UBN2: variants seen among roughly 807,000 people sequenced by gnomAD.
UBN2 encodes the protein ubinuclein 2, also known as ubinuclein-2.
A neutral mutation model predicts 120.2 loss-of-function variants in UBN2; 35 were observed. That is an observed-to-expected ratio of 0.29 (90% confidence interval 0.22 to 0.39). The LOEUF (loss-of-function observed/expected upper bound fraction) is 0.39. Ranked by LOEUF, UBN2 falls within the 10% of genes least tolerant of loss-of-function variation. The pLI is 1.00. For synonymous variants in UBN2, 661 were observed against 648.7 expected (o/e 1.02, Z -0.29); for missense variants, 1,693 against 1,663.2 (o/e 1.02, Z -0.31).
chr7:139,245,328 A>G (rs969087302), intron 2 of UBN2, among the ~76,000 whole-genome samples: 50 of 152,110 alleles, frequency 3.3e-4, no homozygotes, highest in African/African-American at 1.1e-3. Context: ...ATGCTTTGTG[A>G]AGACCTTATA....
rs1289729433 is a variant in UBN2 at position 139,258,574 on chromosome 7, A to G, written c.750A>G (p.Ser250=). The G allele has an allele frequency of 6.2e-7, 1 of 1,607,760 alleles. No individual in the cohort carries two copies. Among genetic ancestry groups the G allele is most frequent in the South Asian group, 1.1e-5 (1 of 90,162 alleles). ...NTGTLQFRQA[S]DTEEDDITDN... is the part of the protein sequence containing the mutation. ...GCACTCTACAGTTTCGCCAAGCTTC[A>G]GATACTGAAGAAGATGATATTACAG... The change falls in exon 4 of 18, where the codon TCA becomes TCG. Residue 250 remains serine (S), a synonymous_variant. Coordinates refer to ENST00000473989, the MANE Select transcript of UBN2 (RefSeq NM_173569.4).
intron 15 of UBN2, among the ~76,000 whole-genome samples, chr7:139,289,195 A>G (rs1797873520): frequency 6.6e-6 from 1 of 152,078 alleles, no homozygotes; most frequent in Non-Finnish European, 1.5e-5. Flanking sequence ...GGAGTACCCC[A>G]CTGCTGAAAG....
chr7:139,252,082 C>T, intron 3 of UBN2, 25 bp downstream of exon 3: 2 of 1,581,918 alleles, frequency 1.3e-6, no homozygotes, highest in Non-Finnish European at 1.7e-6. Flanking sequence ...TTTAATATAG[C>T]AGCAAATTCA....
intron 2 of UBN2, among the ~76,000 whole-genome samples, chr7:139,250,319 G>A (rs559489172): frequency 4.0e-5 from 6 of 151,834 alleles, no homozygotes; most frequent in Admixed American, 6.6e-5. Context: ...TGCAACGTCC[G>A]CCTCCCCAGT....
At chr7:139,270,083 ATATCT>A (rs1159252552) in intron 8 of UBN2, among the ~76,000 whole-genome samples, 1 of 152,138 alleles carries the variant, frequency 6.6e-6, no homozygotes, top group African/African-American at 2.4e-5. Flanking sequence ...TGGAAGAAAG[ATATCT>A]TATCCTTACT....
chr7:139,259,591 T>G (rs1450360391), intron 5 of UBN2, among the ~76,000 whole-genome samples: 1 of 152,232 alleles, frequency 6.6e-6, no homozygotes, highest in Non-Finnish European at 1.5e-5. Flanking sequence ...AAATGCTCAT[T>G]ACTACTTTTA....
Position 139,300,747 on chromosome 7 carries a change from A to C in UBN2, c.*2911A>C, listed in dbSNP as rs1798236333. 6.6e-6 allele frequency: 1 copy of C among 152,218 alleles called. No homozygotes were observed. The highest frequency in any genetic ancestry group is 1.5e-5 in the Non-Finnish European group (1 of 68,028). The allele number at this position is 152,218 out of a possible 1,614,324, so 9.4% of individuals were successfully genotyped here. ...TATATTTTAAATTGCCTTCACTGAT[A>C]TATAAGCTGTTACTGTACATACAAG... On this transcript the variant is annotated 3_prime_UTR_variant, in exon 18 of 18. Transcript: ENST00000473989.
chr7:139,254,698 A>G (rs78856640), intron 3 of UBN2, among the ~76,000 whole-genome samples: 182 of 152,364 alleles, frequency 1.2e-3, no homozygotes, highest in African/African-American at 4.2e-3. Flanking sequence ...TTTGAATTCT[A>G]AATAACCCAA....
At chr7:139,271,552 C>T (rs1797274460) in intron 8 of UBN2, among the ~76,000 whole-genome samples, 1 of 150,754 alleles carries the variant, frequency 6.6e-6, no homozygotes, top group Non-Finnish European at 1.5e-5. Flanking sequence ...TGCCACTGCA[C>T]TCCAGCCTGT....
chr7:139,233,285 C>T (rs1218106003), intron 1 of UBN2, among the ~76,000 whole-genome samples: 4 of 152,076 alleles, frequency 2.6e-5, no homozygotes, highest in Non-Finnish European at 4.4e-5. Flanking sequence ...ACTTGAATGC[C>T]CCTTCTTTAT....
At chr7:139,313,517 T>C in the UBN2 span, among the ~76,000 whole-genome samples, 2 of 152,226 alleles carry the variant, frequency 1.3e-5, no homozygotes, top group Non-Finnish European at 2.9e-5. Flanking sequence ...GAAGTGATCA[T>C]ATAATGTACA....
At chr7:139,311,379 A>G (rs1259271678), downstream of UBN2, among the ~76,000 whole-genome samples, 1 of 151,956 alleles carries the variant, frequency 6.6e-6, no homozygotes, top group Non-Finnish European at 1.5e-5. Flanking sequence ...TCCCTTCTTC[A>G]TTTCCCCATC....
Position 139,283,982 on chromosome 7 carries a change from G to T in UBN2, c.3077G>T (p.Gly1026Val), listed in dbSNP as rs1327244198. 2 of 1,613,912 alleles carry T rather than the reference G, an allele frequency of 1.2e-6. No homozygotes were observed. Among genetic ancestry groups the T allele is most frequent in the African/African-American group, 1.3e-5 (1 of 74,924 alleles). The change falls in exon 15 of 18, where the codon GGT becomes GTT. Residue 1026 changes from glycine (G) to valine (V), a missense_variant. This residue lies in a region of UBN2 where 837 missense variants were observed against 817.6 expected (regional missense o/e 1.02). Transcript: ENST00000473989. The stretch of plus-strand genomic sequence containing the variant: ...ATGGTGTCACAGATCTCCACGCAGG[G>T]TTTCAAATCTCCCTTCTCGATGGCT... ...KAMVSQISTQGFKSPFSMAAS... is the reference protein window; with the variant it reads ...KAMVSQISTQVFKSPFSMAAS...
intron 1 of UBN2, among the ~76,000 whole-genome samples, chr7:139,234,676 A>G (rs1343806537): frequency 6.6e-6 from 1 of 152,220 alleles, no homozygotes. Context: ...TGATTGATAC[A>G]CAAGAAAAGG....
At chr7:139,294,106 A>G in intron 17 of UBN2, 125 bp downstream of exon 17, 2 of 859,956 alleles carry the variant, frequency 2.3e-6, no homozygotes, top group Non-Finnish European at 3.7e-6. Flanking sequence ...CATAGACTGA[A>G]TCCTCATTCC....
At chr7:139,311,824 G>A (rs1798452665), downstream of UBN2, among the ~76,000 whole-genome samples, 1 of 152,210 alleles carries the variant, frequency 6.6e-6, no homozygotes, top group South Asian at 2.1e-4. Context: ...GGCTGAAAAA[G>A]TCAAGGGAAT....
chr7:139,311,224 G>GT (rs1798443101), downstream of UBN2, among the ~76,000 whole-genome samples: 1 of 152,230 alleles, frequency 6.6e-6, no homozygotes, highest in African/African-American at 2.4e-5. Context: ...GACAATGACA[G>GT]TCTCTTCTCA....
chr7:139,324,555 C>CAAA, the UBN2 span, among the ~76,000 whole-genome samples: 148 of 68,760 alleles, frequency 2.2e-3, 7 homozygotes, highest in Admixed American at 5.1e-3. Context: ...GACTCCATCT[C>CAAA]AAAAAAAAAA....
chr7:139,231,956 C>G lies in UBN2; in HGVS notation c.468+4C>G. 6.3e-7 allele frequency: 1 copy of G among 1,577,792 alleles called. No homozygotes were observed. The highest frequency in any genetic ancestry group is 2.4e-5 in the East Asian group (1 of 41,174). ...GCTGCTGTGCGGAGAACAACGGGTA[C>G]AGAAGATTCTTCCCTCCTGCCCCAG... On this transcript the variant is annotated splice_donor_region_variant and intron_variant, in intron 1 of 17. Transcript: ENST00000473989.
Sources: allele counts gnomAD v4.1 joint callset (sites outside exome capture counted in the v4.1 genomes callset), GRCh38; gene constraint gnomAD v4.1.1; regional missense constraint gnomAD v4.1.1; transcripts MANE v1.5; gene names NCBI Gene and HGNC (gene_info 2026-07-23, HGNC 2026-07-21).